PTPRM: variants seen among roughly 807,000 people sequenced by gnomAD.
PTPRM encodes the protein receptor-type tyrosine-protein phosphatase mu.
PTPRM carries 47 observed loss-of-function variants against 186.7 expected under a neutral mutation model. That is an observed-to-expected ratio of 0.25 (90% confidence interval 0.20 to 0.32). The LOEUF is 0.32. Among genes scored for constraint, PTPRM ranks in the 10% least tolerant of loss-of-function variants. PTPRM has a pLI of 1.00. For synonymous variants in PTPRM, 668 were observed against 674.9 expected (o/e 0.99, Z 0.16); for missense variants, 1,494 against 1,865.0 (o/e 0.80, Z 3.66).
At chr18:8,204,313 G>A (rs1327711944) in intron 14 of PTPRM, among the ~76,000 whole-genome samples, 1 of 152,050 alleles carries the variant, frequency 6.6e-6, no homozygotes, top group Non-Finnish European at 1.5e-5. Context: ...TTATGTGTGT[G>A]TGTTCAGTTG....
chr18:7,791,928 A>G (rs2043362779), intron 2 of PTPRM, among the ~76,000 whole-genome samples: 2 of 152,188 alleles, frequency 1.3e-5, no homozygotes, highest in South Asian at 2.1e-4. Context: ...CCTAAGCTTT[A>G]TATTATTAAA....
chr18:8,298,607 C>G (rs61485545), intron 20 of PTPRM, among the ~76,000 whole-genome samples: 5,785 of 152,274 alleles, frequency 0.038, 158 homozygotes, highest in East Asian at 0.067. Context: ...TTACATATGC[C>G]AGACACTACT....
chr18:8,029,800 T>G (rs2085837376), intron 7 of PTPRM, among the ~76,000 whole-genome samples: 1 of 152,204 alleles, frequency 6.6e-6, no homozygotes, highest in African/African-American at 2.4e-5. Context: ...AAATACTGGC[T>G]AAATTGAGTG....
intron 32 of PTPRM, chr18:8,403,410 C>T (rs2095882772): frequency 1.3e-5 from 2 of 152,120 alleles, no homozygotes; most frequent in African/African-American, 4.8e-5. Flanking sequence ...TGAAAAATTA[C>T]CTGTTGGGTA....
chr18:7,850,108 C>T (rs1018486223), intron 2 of PTPRM, among the ~76,000 whole-genome samples: 2 of 152,144 alleles, frequency 1.3e-5, no homozygotes, highest in African/African-American at 4.8e-5. Context: ...AGGTGATCTT[C>T]AGATGTGGGT....
chr18:7,977,442 G>A (rs540479200), intron 7 of PTPRM, among the ~76,000 whole-genome samples: 177 of 152,116 alleles, frequency 1.2e-3, no homozygotes, highest in African/African-American at 3.9e-3. Flanking sequence ...TCCCTCACAC[G>A]TGCACACCTT....
At chr18:8,241,357 A>G (rs532988415) in intron 14 of PTPRM, among the ~76,000 whole-genome samples, 1 of 151,622 alleles carries the variant, frequency 6.6e-6, no homozygotes, top group African/African-American at 2.4e-5. Flanking sequence ...ATAAAAAATT[A>G]AAATTAAAAA....
At chr18:8,162,338 T>C (rs1221902425) in intron 14 of PTPRM, among the ~76,000 whole-genome samples, 1 of 152,196 alleles carries the variant, frequency 6.6e-6, no homozygotes, top group Non-Finnish European at 1.5e-5. Context: ...TGACCTCAGG[T>C]GATCCGCCCA....
At chr18:7,645,072 CATATT>C (rs1218344197) in intron 1 of PTPRM, among the ~76,000 whole-genome samples, 1 of 152,144 alleles carries the variant, frequency 6.6e-6, no homozygotes, top group South Asian at 2.1e-4. Context: ...CATTTTCTGT[CATATT>C]AAAGTAGTTA....
At chr18:8,015,240 GC>G (rs1478892722) in intron 7 of PTPRM, among the ~76,000 whole-genome samples, 18 of 152,164 alleles carry the variant, frequency 1.2e-4, no homozygotes, top group African/African-American at 4.1e-4. Flanking sequence ...TGCTCCACAT[GC>G]TACAGTGGCC....
At chr18:8,204,451 T>G (rs2093898419) in intron 14 of PTPRM, among the ~76,000 whole-genome samples, 1 of 151,978 alleles carries the variant, frequency 6.6e-6, no homozygotes, top group African/African-American at 2.4e-5. Flanking sequence ...AGAAGGAAGA[T>G]TCGTTTTGAA....
chr18:8,401,249 A>G (rs773724130), intron 32 of PTPRM, among the ~76,000 whole-genome samples: 19 of 152,168 alleles, frequency 1.2e-4, no homozygotes, highest in Admixed American at 5.2e-4. Context: ...GGCCTCAATA[A>G]GGAACTGGGC....
intron 1 of PTPRM, among the ~76,000 whole-genome samples, chr18:7,638,317 T>G (rs530549835): frequency 2.4e-4 from 36 of 152,316 alleles, no homozygotes; most frequent in Non-Finnish European, 4.3e-4. Context: ...AAATCCAGTT[T>G]GTTTCATTTT....
intron 2 of PTPRM, among the ~76,000 whole-genome samples, chr18:7,841,154 A>C (rs974447312): frequency 4.6e-5 from 7 of 152,156 alleles, no homozygotes; most frequent in Non-Finnish European, 8.8e-5. Flanking sequence ...AAAAATGTGT[A>C]ATTCAGAAAA....
intron 1 of PTPRM, among the ~76,000 whole-genome samples, chr18:7,750,348 C>T (rs2041153198): frequency 6.6e-6 from 1 of 152,216 alleles, no homozygotes; most frequent in South Asian, 2.1e-4. Flanking sequence ...TTTATAACAT[C>T]TTTCACATTC....
intron 7 of PTPRM, among the ~76,000 whole-genome samples, chr18:7,996,762 T>A (rs1338105584): frequency 1.5e-5 from 2 of 137,754 alleles, no homozygotes; most frequent in African/African-American, 2.7e-5. Flanking sequence ...AATCTGAAAA[T>A]GAAATCAAGA....
At chr18:7,617,110 A>G (rs1365813856) in intron 1 of PTPRM, among the ~76,000 whole-genome samples, 5 of 152,206 alleles carry the variant, frequency 3.3e-5, no homozygotes, top group African/African-American at 9.6e-5. Context: ...GTAGAGAATA[A>G]TTCAGGACCC....
Position 7,661,384 on chromosome 18 carries a change from A to G in PTPRM, c.73+93493A>G, listed in dbSNP as rs116434261. Among the ~76,000 whole-genome samples the G allele has an allele frequency of 7.0e-3, 1,065 of 152,350 alleles. 13 individuals carry two copies. Among genetic ancestry groups the G allele is most frequent in the African/African-American group, 0.025 (1,024 of 41,576 alleles). On this transcript the variant is annotated intron_variant, in intron 1 of 32. Transcript: ENST00000580170. Reference sequence around the variant, plus strand: ...CATCTGCAGAGCATATAAACTGCTCATGTGGGATTCTTGCCAGTGCAGTTT... The same window carrying G: ...CATCTGCAGAGCATATAAACTGCTCGTGTGGGATTCTTGCCAGTGCAGTTT...
chr18:8,012,080 G>A (rs1395777294), intron 7 of PTPRM, among the ~76,000 whole-genome samples: 1 of 152,120 alleles, frequency 6.6e-6, no homozygotes, highest in Non-Finnish European at 1.5e-5. Context: ...CTATCTGTGT[G>A]GTCACGGTTC....
Sources: gnomAD v4.1 joint callset for allele counts (sites outside exome capture counted in the v4.1 genomes callset) on GRCh38, gnomAD v4.1.1 for gene constraint, MANE v1.5 for transcripts, NCBI Gene and HGNC (gene_info 2026-07-23, HGNC 2026-07-21) for gene names.